WDR70: variants seen among roughly 807,000 people sequenced by gnomAD.
The protein encoded by WDR70 is WD repeat-containing protein 70.
WDR70 carries 53 observed loss-of-function variants against 88.6 expected under a neutral mutation model. The observed-to-expected ratio is 0.60, with a 90% CI of 0.48 to 0.75. The LOEUF (loss-of-function observed/expected upper bound fraction) is 0.75, where lower values mean the gene tolerates loss of function less well. WDR70 is among the 30% of genes least tolerant of loss of function. The pLI is 0.00. For missense variants in WDR70, 610 were observed against 823.2 expected, an observed-to-expected ratio of 0.74 and a Z score of 3.17; for synonymous variants, 280 against 270.0, an observed-to-expected ratio of 1.04 and a Z score of -0.36.
At chr5:37,652,095 C>G (rs966405413) in intron 10 of WDR70, among the ~76,000 whole-genome samples, 1 of 152,160 alleles carries the variant, frequency 6.6e-6, no homozygotes, top group Non-Finnish European at 1.5e-5. Flanking sequence ...GTCTTTAATC[C>G]ATCTTGGGAT....
chr5:37,518,614 G>A (rs1740967782), intron 9 of WDR70, among the ~76,000 whole-genome samples: 1 of 150,562 alleles, frequency 6.6e-6, no homozygotes, highest in African/African-American at 2.4e-5. Flanking sequence ...GTTGATGGAT[G>A]CTTAGTTTGC....
At chr5:37,523,101 A>T (rs1028264746) in intron 9 of WDR70, among the ~76,000 whole-genome samples, 1 of 152,230 alleles carries the variant, frequency 6.6e-6, no homozygotes, top group Non-Finnish European at 1.5e-5. Context: ...GCAGGCTTAA[A>T]TGTCCCTGTC....
At chr5:37,593,196 C>T (rs752073097) in intron 9 of WDR70, among the ~76,000 whole-genome samples, 7 of 152,056 alleles carry the variant, frequency 4.6e-5, no homozygotes, top group South Asian at 2.1e-4. Context: ...CTAGGGTACA[C>T]GTGCACAACG....
chr5:37,741,218 A>C (rs1330434541), intron 17 of WDR70, among the ~76,000 whole-genome samples: 2 of 141,936 alleles, frequency 1.4e-5, no homozygotes, highest in African/African-American at 5.2e-5. Context: ...CCTTACTCCC[A>C]AGCCCAAGAG....
chr5:37,411,266 G>A (rs1210208797), intron 5 of WDR70, among the ~76,000 whole-genome samples: 1 of 152,020 alleles, frequency 6.6e-6, no homozygotes, highest in Non-Finnish European at 1.5e-5. Flanking sequence ...TTGCTTTTAA[G>A]GTGTTATTTA....
At position 37,724,986 on chromosome 5, in the gene WDR70, G is replaced by A. The variant is rs144473382; in HGVS notation, c.1650G>A (p.Gln550=). 12 of 1,613,572 alleles carry A rather than the reference G, an allele frequency of 7.4e-6. No homozygotes were observed. In the African/African-American group the frequency reaches 1.6e-4, roughly 22 times the overall value. Residue 550 remains glutamine, a synonymous_variant, in exon 16 of 18, where the codon CAG becomes CAA. Transcript: ENST00000265107. ...CCCGCCAACGGAGTACAAGGAAACAGCTGGAGAAGGACAGACTGGATCCCC... is the reference window on the plus strand; with the variant it reads ...CCCGCCAACGGAGTACAAGGAAACAACTGGAGAAGGACAGACTGGATCCCC... ...REPRQRSTRK[Q]LEKDRLDPLK... is the part of the protein sequence containing the mutation.
chr5:37,640,818 G>C (rs1271614654), intron 10 of WDR70, among the ~76,000 whole-genome samples: 1 of 152,242 alleles, frequency 6.6e-6, no homozygotes, highest in Admixed American at 6.5e-5. Context: ...ATCTAAGCTA[G>C]AAATATGAGA....
At chr5:37,624,711 A>G (rs1744617610) in intron 10 of WDR70, among the ~76,000 whole-genome samples, 1 of 152,172 alleles carries the variant, frequency 6.6e-6, no homozygotes, top group Non-Finnish European at 1.5e-5. Context: ...GAAATTGTCC[A>G]TTTTTATGCT....
At chr5:37,487,621 A>ATTTTTTTTTTTT (rs1561871968) in intron 8 of WDR70, among the ~76,000 whole-genome samples, 6 of 37,706 alleles carry the variant, frequency 1.6e-4, no homozygotes, top group African/African-American at 4.4e-4. Context: ...ATATATATAT[A>ATTTTTTTTTTTT]TATGTATTTT....
chr5:37,440,272 A>G (rs1450497867), intron 6 of WDR70, among the ~76,000 whole-genome samples: 4 of 152,182 alleles, frequency 2.6e-5, no homozygotes, highest in African/African-American at 9.7e-5. Context: ...TGAAAGGAGG[A>G]GAGGGTGATA....
chr5:37,433,939 A>G (rs777194748), intron 5 of WDR70, among the ~76,000 whole-genome samples: 1 of 152,216 alleles, frequency 6.6e-6, no homozygotes, highest in African/African-American at 2.4e-5. Flanking sequence ...GTGGTATGTA[A>G]TTAAATAATA....
intron 7 of WDR70, among the ~76,000 whole-genome samples, chr5:37,470,147 G>C (rs571047385): frequency 6.9e-6 from 1 of 144,226 alleles, no homozygotes; most frequent in Non-Finnish European, 1.5e-5. Context: ...AAAAAAAAAC[G>C]CACAAAAATA....
chr5:37,690,217 A>G (rs945177024), intron 10 of WDR70, among the ~76,000 whole-genome samples: 3 of 152,258 alleles, frequency 2.0e-5, no homozygotes, highest in African/African-American at 7.2e-5. Flanking sequence ...CTATGTGAAA[A>G]GACCAAATCT....
intron 17 of WDR70, among the ~76,000 whole-genome samples, chr5:37,750,491 G>A (rs572838287): frequency 1.3e-5 from 2 of 152,262 alleles, no homozygotes; most frequent in East Asian, 3.9e-4. Context: ...CTATGATTGT[G>A]CCACTGCACT....
At chr5:37,718,760 G>C (rs970012189) in intron 13 of WDR70, among the ~76,000 whole-genome samples, 1 of 152,172 alleles carries the variant, frequency 6.6e-6, no homozygotes, top group Admixed American at 6.6e-5. Flanking sequence ...TGGGTGAACT[G>C]TAGCTTTTAA....
At chr5:37,619,456 A>G (rs1455564416) in intron 10 of WDR70, among the ~76,000 whole-genome samples, 2 of 152,178 alleles carry the variant, frequency 1.3e-5, no homozygotes, top group African/African-American at 2.4e-5. Flanking sequence ...GTTTCTCAGC[A>G]TCAGGACAGC....
chr5:37,511,472 G>A (rs369575980), intron 8 of WDR70, among the ~76,000 whole-genome samples: 163 of 150,946 alleles, frequency 1.1e-3, no homozygotes, highest in African/African-American at 3.8e-3. Context: ...AATGTTCCAC[G>A]TTCATCTTGC....
In WDR70 at chr5:37,629,909, A is replaced by G. The variant is rs566023464; in HGVS notation, c.1092+24671A>G. The stretch of plus-strand genomic sequence containing the variant: ...GTGGTCGCCTCTTCCAATTTTATTC[A>G]CTAGGTGTCACAAGGAAAGACTTAC... On this transcript the variant is annotated intron_variant, in intron 10 of 17. Transcript: ENST00000265107. Among the ~76,000 whole-genome samples, 8 of 152,218 alleles carry G rather than the reference A, an allele frequency of 5.3e-5. No homozygotes were observed. The South Asian group carries it at 1.0e-3, about 20-fold the overall frequency.
At chr5:37,459,089 G>A (rs1001263940) in intron 7 of WDR70, among the ~76,000 whole-genome samples, 1 of 45,444 alleles carries the variant, frequency 2.2e-5, no homozygotes, top group African/African-American at 6.7e-5. Context: ...TATGTACCCA[G>A]TAGTCATTCA....
Sources: gnomAD v4.1 joint callset for allele counts (sites outside exome capture counted in the v4.1 genomes callset) on GRCh38, gnomAD v4.1.1 for gene constraint, MANE v1.5 for transcripts, NCBI Gene and HGNC (gene_info 2026-07-23, HGNC 2026-07-21) for gene names.